POU2F2: variants seen among roughly 807,000 people sequenced by gnomAD.
POU2F2 encodes POU class 2 homeobox 2.
A neutral mutation model predicts 63.5 loss-of-function variants in POU2F2; 14 were observed. The ratio of observed to expected loss-of-function variants is 0.22; its 90% CI spans 0.15 to 0.34. POU2F2 has a LOEUF of 0.34. Among genes scored for constraint, POU2F2 ranks in the 10% least tolerant of loss-of-function variants. The pLI, the probability that POU2F2 is intolerant of heterozygous loss-of-function variation, is 1.00. For missense variants in POU2F2, 607 were observed against 815.2 expected (o/e 0.74, Z 3.11); for synonymous variants, 306 against 348.6 (o/e 0.88, Z 1.36).
chr19:42,123,418 C>T (rs2032875994), intron 1 of POU2F2, among the ~76,000 whole-genome samples: 1 of 152,138 alleles, frequency 6.6e-6, no homozygotes, highest in Non-Finnish European at 1.5e-5. Context: ...GAGACAAATG[C>T]CTGTCCTCAA....
At chr19:42,149,704 GA>G (rs1341456824) in intron 2 of POU2F2, among the ~76,000 whole-genome samples, 1 of 152,090 alleles carries the variant, frequency 6.6e-6, no homozygotes, top group South Asian at 2.1e-4. Flanking sequence ...GGAGAGAAAA[GA>G]AAGAGGGAGG....
intron 2 of POU2F2, among the ~76,000 whole-genome samples, chr19:42,154,267 G>A (rs2034415964): frequency 6.6e-6 from 1 of 152,024 alleles, no homozygotes; most frequent in South Asian, 2.1e-4. Context: ...GACCCCGAGA[G>A]ACGACAAGAG....
chr19:42,115,728 T>C (rs986024590), intron 5 of POU2F2, among the ~76,000 whole-genome samples: 1 of 152,164 alleles, frequency 6.6e-6, no homozygotes, highest in East Asian at 1.9e-4. Context: ...TTGGCCACTG[T>C]TAGGGGTTAA....
At position 42,162,276 on chromosome 19, in the gene POU2F2, G is replaced by A. The variant is rs1243461888; in HGVS notation, c.-69-1884C>T. On this transcript the variant is annotated intron_variant, in intron 1 of 6. Transcript: ENST00000524801. This position sits in a 1 kb window ranked among gnomAD's most constrained non-coding sequence, Gnocchi z 4.1. ...CTTCCAACTCTCATCCCATCTCCCGGGTTCCCAAACCCCAATATGCCCTCC... is the reference window on the plus strand; with the variant it reads ...CTTCCAACTCTCATCCCATCTCCCGAGTTCCCAAACCCCAATATGCCCTCC... Among the ~76,000 whole-genome samples the A allele has an allele frequency of 6.6e-6, 1 of 152,042 alleles. No individual in the cohort carries two copies. The highest frequency in any genetic ancestry group is 1.5e-5 in the Non-Finnish European group (1 of 67,990).
intron 1 of POU2F2, among the ~76,000 whole-genome samples, chr19:42,193,408 G>A (rs1285062782): frequency 6.6e-6 from 1 of 152,166 alleles, no homozygotes; most frequent in African/African-American, 2.4e-5. Context: ...ACCCTTCTAA[G>A]AGGGAGGCAG....
intron 7 of POU2F2, among the ~76,000 whole-genome samples, chr19:42,097,015 A>G (rs550950616): frequency 6.6e-6 from 1 of 152,196 alleles, no homozygotes; most frequent in East Asian, 1.9e-4. Flanking sequence ...GAAAAAAAAA[A>G]AAGGACTGGG....
Position 42,096,024 on chromosome 19 carries a change from A to C in POU2F2, c.729+58T>G. The C allele has an allele frequency of 1.9e-6, 3 of 1,610,262 alleles. No homozygotes were observed. The highest frequency in any genetic ancestry group is 2.5e-6 in the Non-Finnish European group (3 of 1,178,164). The stretch of plus-strand genomic sequence containing the variant: ...GCCCACTGGCCACGCCCCTCGCGGC[A>C]TCTATCAACTGGCCACGCCCCCACG... On this transcript the variant is annotated intron_variant, in intron 8 of 14. Coordinates refer to ENST00000692977, the MANE Select transcript of POU2F2 (RefSeq NM_001394376.1). The surrounding 1 kb of genome is among the most constrained non-coding windows in gnomAD (Gnocchi z 4.1).
chr19:42,113,793 G>A (rs1004056706), intron 5 of POU2F2, among the ~76,000 whole-genome samples: 2 of 152,214 alleles, frequency 1.3e-5, no homozygotes, highest in African/African-American at 4.8e-5. Context: ...GCAGGCATGA[G>A]AAGTGGACTG....
In POU2F2 at chr19:42,173,674, C is replaced by A. The variant is rs541072868; in HGVS notation, c.-70+2289G>T. ...CATACACACACACTGTGGCTGAGTTCTTTCCCTACTACAGCCCTGACACAG... is the reference window on the plus strand; with the variant it reads ...CATACACACACACTGTGGCTGAGTTATTTCCCTACTACAGCCCTGACACAG... On this transcript the variant is annotated intron_variant, in intron 1 of 6. Coordinates refer to the POU2F2 transcript ENST00000524801. 9.9e-5 allele frequency among the ~76,000 whole-genome samples: 15 copies of A among 152,154 alleles called. No individual in the cohort carries two copies. In the South Asian group the frequency reaches 3.1e-3, roughly 32 times the overall value.
intron 1 of POU2F2, 85 bp downstream of exon 1, chr19:42,132,299 G>A (rs1020804782): frequency 1.8e-5 from 26 of 1,464,580 alleles, no homozygotes; most frequent in Non-Finnish European, 2.3e-5. Context: ...AGACAGCTGA[G>A]GAGGAGGGGC....
chr19:42,133,258 C>A (rs2033884061), upstream of POU2F2, among the ~76,000 whole-genome samples: 1 of 152,210 alleles, frequency 6.6e-6, no homozygotes, highest in Admixed American at 6.5e-5. The surrounding 1 kb of genome is among the most constrained non-coding windows in gnomAD (Gnocchi z 5.1). Flanking sequence ...AGGGCGGCAG[C>A]GCCCAGCCAA....
intron 1 of POU2F2, among the ~76,000 whole-genome samples, chr19:42,167,259 A>AG (rs1373818967): frequency 6.6e-6 from 1 of 152,198 alleles, no homozygotes; most frequent in Non-Finnish European, 1.5e-5. Context: ...GTTCGAGACC[A>AG]GCCTGGCCAA....
chr19:42,122,298 T>C, intron 3 of POU2F2, 46 bp downstream of exon 3: 1 of 1,123,700 alleles, frequency 8.9e-7, no homozygotes, highest in Admixed American at 2.2e-5. Flanking sequence ...TGAACCCCTC[T>C]CCCCATTCCT....
chr19:42,150,017 T>G (rs1466431831), intron 2 of POU2F2, among the ~76,000 whole-genome samples: 1 of 152,206 alleles, frequency 6.6e-6, no homozygotes, highest in Non-Finnish European at 1.5e-5. Context: ...GCAGAGAGGC[T>G]GCAGTCTGTC....
At chr19:42,105,796 C>T (rs965999406) in intron 5 of POU2F2, among the ~76,000 whole-genome samples, 1 of 152,304 alleles carries the variant, frequency 6.6e-6, no homozygotes, top group East Asian at 1.9e-4. Context: ...CTCTTCCTGT[C>T]CACAGTGACT....
intron 1 of POU2F2, among the ~76,000 whole-genome samples, chr19:42,128,294 A>G (rs1387911762): frequency 6.6e-6 from 1 of 152,132 alleles, no homozygotes; most frequent in African/African-American, 2.4e-5. Flanking sequence ...CTGTCACCCA[A>G]CATCCCCAAG....
intron 1 of POU2F2, among the ~76,000 whole-genome samples, chr19:42,193,774 A>C (rs1209277700): frequency 6.6e-6 from 1 of 152,344 alleles, no homozygotes; most frequent in East Asian, 1.9e-4. Flanking sequence ...TCCCTATAGA[A>C]ACATAAGCAT....
In POU2F2 at chr19:42,128,599, G is replaced by A. The variant is rs189303272; in HGVS notation, c.28+3785C>T. 3.3e-4 allele frequency among the ~76,000 whole-genome samples: 50 copies of A among 152,258 alleles called. 1 individual carries two copies. The East Asian group carries it at 8.5e-3, about 26-fold the overall frequency. On this transcript the variant is annotated intron_variant, in intron 1 of 14. Coordinates refer to ENST00000692977, the MANE Select transcript of POU2F2 (RefSeq NM_001394376.1). ...ATGAACAGGGAGCTCCATTTCCACC[G>A]TGGACTAAAAGCCAAATGACGCCTT...
chr19:42,099,698 C>T lies in POU2F2; in HGVS notation c.475+18G>A. 1 of 1,599,350 alleles carries T rather than the reference C, an allele frequency of 6.3e-7. No homozygotes were observed. Among genetic ancestry groups the T allele is most frequent in the Non-Finnish European group, 8.5e-7 (1 of 1,172,242 alleles). ...TCTGTGGAGGCGTCAGGGAGGCCAT[C>T]TGGGGTGGGGGCCTTACCTGGCTGG... On this transcript the variant is annotated intron_variant, in intron 6 of 14. Transcript: ENST00000692977.
Sources: allele counts gnomAD v4.1 joint callset (sites outside exome capture counted in the v4.1 genomes callset), GRCh38; gene constraint gnomAD v4.1.1; non-coding constraint Gnocchi (gnomAD v3.1); transcripts MANE v1.5; gene names NCBI Gene and HGNC (gene_info 2026-07-23, HGNC 2026-07-21).